SLCO5A1: variants seen among roughly 807,000 people sequenced by gnomAD.
The protein encoded by SLCO5A1 is organic anion transporter polypeptide-related protein 4.
SLCO5A1 carries 39 observed loss-of-function variants against 65.1 expected under a neutral mutation model. The observed-to-expected ratio is 0.60, with a 90% CI of 0.46 to 0.78. The LOEUF is 0.78. Ranked by LOEUF, SLCO5A1 falls within the 30% of genes least tolerant of loss-of-function variation. The probability of loss-of-function intolerance (pLI) is 0.00; values close to 1 mark genes in which losing one functional copy is unlikely to be tolerated. For synonymous variants in SLCO5A1, 438 were observed against 415.7 expected (o/e 1.05, Z -0.65); for missense variants, 1,029 against 1,069.4 (o/e 0.96, Z 0.53).
intron 8 of SLCO5A1, 108 bp downstream of exon 8, chr8:69,679,270 T>C: frequency 6.7e-7 from 1 of 1,483,876 alleles, no homozygotes; most frequent in Non-Finnish European, 9.2e-7. Flanking sequence ...CTGCACATGC[T>C]AATTTTGCTT....
intron 2 of SLCO5A1, among the ~76,000 whole-genome samples, chr8:69,815,647 AACACACACACACACAC>A (rs55665513): frequency 8.5e-5 from 12 of 141,190 alleles, no homozygotes; most frequent in African/African-American, 2.4e-4. Context: ...GTAAAATATC[AACACACACACACACAC>A]ACACACACAC....
chr8:69,832,848 T>G lies in SLCO5A1; in HGVS notation c.-175A>C. The stretch of plus-strand genomic sequence containing the variant: ...CACCAGCTGCGAGGCGCCCAGTGCA[T>G]CCTGATCACAGACACGGCTTCAAGG... On this transcript the variant is annotated 5_prime_UTR_variant, in exon 2 of 10. The change abolishes an upstream ATG in the 5' untranslated region. Transcript: ENST00000260126. This position sits in a 1 kb window ranked among gnomAD's most constrained non-coding sequence, Gnocchi z 4.5. The G allele has an allele frequency of 1.1e-5, 8 of 699,440 alleles. No homozygotes were observed. Among genetic ancestry groups the G allele is most frequent in the Non-Finnish European group, 1.9e-5 (8 of 430,472 alleles). 43.3% of individuals were successfully genotyped at this position (699,440 alleles called of 1,614,324 possible).
chr8:69,809,673 GATT>G (rs575396506), intron 2 of SLCO5A1, among the ~76,000 whole-genome samples: 190 of 150,644 alleles, frequency 1.3e-3, no homozygotes, highest in Non-Finnish European at 2.4e-3. Flanking sequence ...TTATGATTAT[GATT>G]ATTATTATTA....
At chr8:69,690,073 C>T (rs1814183813) in intron 6 of SLCO5A1, among the ~76,000 whole-genome samples, 1 of 152,208 alleles carries the variant, frequency 6.6e-6, no homozygotes, top group African/African-American at 2.4e-5. Context: ...CAGGGGCCTC[C>T]CACTTATTCT....
intron 4 of SLCO5A1, among the ~76,000 whole-genome samples, chr8:69,745,985 G>A (rs549810915): frequency 6.6e-6 from 1 of 152,282 alleles, no homozygotes; most frequent in South Asian, 2.1e-4. Flanking sequence ...AATTTTAAAA[G>A]GATGCAGAAA....
At chr8:69,751,790 G>A (rs554306078) in intron 4 of SLCO5A1, among the ~76,000 whole-genome samples, 4 of 152,088 alleles carry the variant, frequency 2.6e-5, no homozygotes, top group East Asian at 1.9e-4. Flanking sequence ...CAGGTAATCC[G>A]CCCACCTTGG....
intron 5 of SLCO5A1, among the ~76,000 whole-genome samples, chr8:69,723,773 CT>C (rs11444497): frequency 0.11 from 14,578 of 133,076 alleles, 636 homozygotes; most frequent in South Asian, 0.2. Context: ...TTTTAGTATG[CT>C]TTTTTTTTTT....
chr8:69,813,052 C>T (rs10504461), intron 2 of SLCO5A1, among the ~76,000 whole-genome samples: 9,463 of 151,890 alleles, frequency 0.062, 449 homozygotes, highest in East Asian at 0.25. Flanking sequence ...AATATCTTTC[C>T]CAAAAAAATG....
At position 69,766,944 on chromosome 8, in the gene SLCO5A1, G is replaced by A. The variant is rs574911588; in HGVS notation, c.908-5069C>T. ...GAACGCTCTACTGTCATGAACAACAGTAGATGTCATGATGAAACTCTTCCT... is the reference window on the plus strand; with the variant it reads ...GAACGCTCTACTGTCATGAACAACAATAGATGTCATGATGAAACTCTTCCT... On this transcript the variant is annotated intron_variant, in intron 2 of 9. Transcript: ENST00000260126. Among the ~76,000 whole-genome samples the A allele has an allele frequency of 2.0e-5, 3 of 152,308 alleles. No homozygotes were observed. In the East Asian group the frequency reaches 5.8e-4, roughly 29 times the overall value.
chr8:69,776,950 C>T (rs1001003099), intron 2 of SLCO5A1, among the ~76,000 whole-genome samples: 1 of 152,194 alleles, frequency 6.6e-6, no homozygotes, highest in African/African-American at 2.4e-5. Flanking sequence ...AACTGTCATA[C>T]CCTGCTAGTG....
rs564521348 is a variant in SLCO5A1, at chr8:69,781,942, C to T, written c.908-20067G>A. Among the ~76,000 whole-genome samples the T allele has an allele frequency of 3.9e-5, 6 of 152,262 alleles. No homozygotes were observed. In the South Asian group the frequency reaches 8.3e-4, roughly 21 times the overall value. On this transcript the variant is annotated intron_variant, in intron 2 of 9. Transcript: ENST00000260126. ...ATAGTGCTGGGATTACAGGCATGAG[C>T]CACTGCGCCCGGCCTATTATCCTAA...
intron 2 of SLCO5A1, among the ~76,000 whole-genome samples, chr8:69,803,767 C>T (rs1344627369): frequency 6.6e-6 from 1 of 152,098 alleles, no homozygotes; most frequent in African/African-American, 2.4e-5. Context: ...GGTGGAAAAA[C>T]TGCTTAGGCC....
intron 5 of SLCO5A1, among the ~76,000 whole-genome samples, chr8:69,714,470 C>G (rs1815421289): frequency 6.6e-6 from 1 of 152,128 alleles, no homozygotes; most frequent in Non-Finnish European, 1.5e-5. Flanking sequence ...GGCAGATAAG[C>G]TGGGGGGATA....
intron 1 of SLCO5A1, chr8:69,833,502 G>C (rs1821274651): frequency 6.6e-6 from 1 of 152,214 alleles, no homozygotes; most frequent in Non-Finnish European, 1.5e-5. Flanking sequence ...TCTTTTAATC[G>C]AGTGAACTAA....
chr8:69,821,263 G>T (rs1820625560), intron 2 of SLCO5A1, among the ~76,000 whole-genome samples: 1 of 152,232 alleles, frequency 6.6e-6, no homozygotes, highest in Middle Eastern at 3.4e-3. Context: ...GGAAGCTGAG[G>T]CAGGAGAATC....
intron 1 of SLCO5A1, chr8:69,833,802 A>G (rs1821288387): frequency 6.6e-6 from 1 of 152,206 alleles, no homozygotes; most frequent in Non-Finnish European, 1.5e-5. Flanking sequence ...AACACCAAAA[A>G]TAACCCCCTG....
intron 2 of SLCO5A1, among the ~76,000 whole-genome samples, chr8:69,829,001 C>G (rs1821047886): frequency 6.6e-6 from 1 of 152,130 alleles, no homozygotes; most frequent in Non-Finnish European, 1.5e-5. Context: ...AGGCAAAGAT[C>G]AGCAAGAATA....
chr8:69,788,672 T>G (rs1819138471), intron 2 of SLCO5A1, among the ~76,000 whole-genome samples: 2 of 152,268 alleles, frequency 1.3e-5, no homozygotes. Context: ...TATAAACTGA[T>G]TATACATATA....
At chr8:69,820,427 T>C (rs1040585292) in intron 2 of SLCO5A1, among the ~76,000 whole-genome samples, 5 of 152,252 alleles carry the variant, frequency 3.3e-5, no homozygotes, top group Admixed American at 6.5e-5. Flanking sequence ...CAGAGAACAC[T>C]GAACTGAAAG....
Sources: gnomAD v4.1 joint callset for allele counts (sites outside exome capture counted in the v4.1 genomes callset) on GRCh38, gnomAD v4.1.1 for gene constraint, Gnocchi (gnomAD v3.1) non-coding constraint, MANE v1.5 for transcripts, NCBI Gene and HGNC (gene_info 2026-07-23, HGNC 2026-07-21) for gene names.